The following FBLN1 variants were observed in gnomAD, a reference collection of about 807,000 sequenced individuals.
FBLN1 encodes fibulin-1.
A neutral mutation model predicts 89.7 loss-of-function variants in FBLN1; 34 were observed. The observed-to-expected ratio is 0.38, with a 90% CI of 0.29 to 0.50. The LOEUF (loss-of-function observed/expected upper bound fraction) is 0.50, where lower values mean the gene tolerates loss of function less well. Ranked by LOEUF, FBLN1 falls within the 20% of genes least tolerant of loss-of-function variation. The pLI, the probability that FBLN1 is intolerant of heterozygous loss-of-function variation, is 0.92. For synonymous variants in FBLN1, 393 were observed against 391.3 expected (o/e 1.00, Z -0.05); for missense variants, 777 against 988.1 (o/e 0.79, Z 2.86).
intron 14 of FBLN1, chr22:45,558,283 GAA>G: frequency 4.2e-6 from 2 of 478,838 alleles, no homozygotes; most frequent in South Asian, 5.3e-5. Flanking sequence ...AGATGGGTCA[GAA>G]AGCACCCAGT....
chr22:45,514,947 G>A lies in FBLN1; in HGVS notation c.80-3735G>A, dbSNP rs1231217530. 2.6e-5 allele frequency among the ~76,000 whole-genome samples: 4 copies of A among 152,204 alleles called. No individual in the cohort carries two copies. In the East Asian group the frequency reaches 7.7e-4, roughly 29 times the overall value. ...CTCCAGTGTCCACTGAGCCCTGTGA[G>A]GAGCTGGTCACACACTGGTTTGCTG... On this transcript the variant is annotated intron_variant, in intron 1 of 16. Coordinates refer to ENST00000327858, the MANE Select transcript of FBLN1 (RefSeq NM_006486.3).
rs2089125170 is a variant in FBLN1, at chr22:45,590,320, T to C, written c.1973-9987T>C. ...AGAGGGCAGGACTTGGCCCCTCTGGTGTGCCCACGTCTTTGAGTGAAGTTG... is the reference window on the plus strand; with the variant it reads ...AGAGGGCAGGACTTGGCCCCTCTGGCGTGCCCACGTCTTTGAGTGAAGTTG... On this transcript the variant is annotated intron_variant, in intron 16 of 16. Transcript: ENST00000327858. The surrounding 1 kb of genome is among the most constrained non-coding windows in gnomAD (Gnocchi z 4.1). Among the ~76,000 whole-genome samples the C allele has an allele frequency of 6.6e-6, 1 of 152,238 alleles. No homozygotes were observed. The highest frequency in any genetic ancestry group is 2.4e-5 in the African/African-American group (1 of 41,470).
At chr22:45,517,724 C>T in intron 1 of FBLN1, 1 of 435,208 alleles carries the variant, frequency 2.3e-6, no homozygotes, top group South Asian at 1.7e-5. Flanking sequence ...AAACCATCAC[C>T]AGCCTCGGTT....
chr22:45,519,771 G>A (rs1002447724), intron 2 of FBLN1, among the ~76,000 whole-genome samples: 4 of 152,222 alleles, frequency 2.6e-5, no homozygotes, highest in Admixed American at 6.5e-5. Flanking sequence ...CTGGCCCCGG[G>A]AAGGACAAGG....
intron 16 of FBLN1, among the ~76,000 whole-genome samples, chr22:45,582,791 G>C (rs1043624244): frequency 1.6e-4 from 25 of 152,324 alleles, no homozygotes; most frequent in Admixed American, 1.4e-3. Flanking sequence ...CGTGTGGCTG[G>C]GTGTGGAGTG....
rs542842575 is a variant in FBLN1 at position 45,556,676 on chromosome 22, C to G, written c.1697+6061C>G. On this transcript the variant is annotated intron_variant, in intron 14 of 16. Coordinates refer to ENST00000327858, the MANE Select transcript of FBLN1 (RefSeq NM_006486.3). This position sits in a 1 kb window ranked among gnomAD's most constrained non-coding sequence, Gnocchi z 4.6. ...ATCTTGATAGTCTGGGTCAGCCACC[C>G]CAGCCAACACTGTAACTCCCTTCTT... Among the ~76,000 whole-genome samples the G allele has an allele frequency of 6.6e-6, 1 of 152,132 alleles. No individual in the cohort carries two copies. Among genetic ancestry groups the G allele is most frequent in the South Asian group, 2.1e-4 (1 of 4,818 alleles).
chr22:45,600,176 G>A, intron 16 of FBLN1, 131 bp from the exon 17 acceptor site: 2 of 1,057,870 alleles, frequency 1.9e-6, no homozygotes, highest in South Asian at 1.3e-5. Context: ...CGAGCATCTG[G>A]CGTAGGATGG....
In FBLN1 at chr22:45,536,914, C is replaced by T. The variant is rs754702091; in HGVS notation, c.922+1577C>T. ...TGTGGGGTGCGGCCGGGGAGCTGGC[C>T]GGCCTGGGTTACTGGTTCTGGAAAG... On this transcript the variant is annotated intron_variant, in intron 8 of 16. Coordinates refer to ENST00000327858, the MANE Select transcript of FBLN1 (RefSeq NM_006486.3). This position sits in a 1 kb window ranked among gnomAD's most constrained non-coding sequence, Gnocchi z 5.1. 5.3e-5 allele frequency among the ~76,000 whole-genome samples: 8 copies of T among 152,184 alleles called. No individual in the cohort carries two copies. Among genetic ancestry groups the T allele is most frequent in the Non-Finnish European group, 1.2e-4 (8 of 68,028 alleles).
intron 1 of FBLN1, among the ~76,000 whole-genome samples, chr22:45,509,473 G>A (rs2088069122): frequency 6.6e-6 from 1 of 152,156 alleles, no homozygotes; most frequent in African/African-American, 2.4e-5. Flanking sequence ...ATGGGGCCAG[G>A]AGCCCTAAGA....
intron 16 of FBLN1, among the ~76,000 whole-genome samples, chr22:45,596,521 T>A (rs896546712): frequency 6.6e-6 from 1 of 151,626 alleles, no homozygotes; most frequent in African/African-American, 2.4e-5. Context: ...TATTTAAATA[T>A]AGACATTTAA....
In FBLN1 at chr22:45,575,382, G is replaced by A. The variant is rs186520094; in HGVS notation, c.1840+729G>A. Among the ~76,000 whole-genome samples, 4 of 152,070 alleles carry A rather than the reference G, an allele frequency of 2.6e-5. No individual in the cohort carries two copies. The highest frequency in any genetic ancestry group is 2.4e-5 in the African/African-American group (1 of 41,408). ...CCAGAAGGGTCTGGAGGTATGGGGG[G>A]GCGGTGTGGGCGTTTGAGAAACTGA... On this transcript the variant is annotated intron_variant, in intron 15 of 16. Transcript: ENST00000327858. This position sits in a 1 kb window ranked among gnomAD's most constrained non-coding sequence, Gnocchi z 6.3.
At chr22:45,582,004 C>T (rs2089046032) in intron 16 of FBLN1, among the ~76,000 whole-genome samples, 1 of 152,176 alleles carries the variant, frequency 6.6e-6, no homozygotes, top group Non-Finnish European at 1.5e-5. Context: ...CTTCCAGATC[C>T]CGCTGCTTTA....
At position 45,550,919 on chromosome 22, in the gene FBLN1, G is replaced by A; in HGVS notation, c.1697+304G>A. On this transcript the variant is annotated intron_variant, in intron 14 of 16. Transcript: ENST00000327858. The surrounding 1 kb of genome is among the most constrained non-coding windows in gnomAD (Gnocchi z 8.4). ...TTCCTAGGGTGGAAGCCTTGGGCAA[G>A]CTCTCTGGGCCTCAGTTTCCTCATC... 1 of 462,576 alleles carries A rather than the reference G, an allele frequency of 2.2e-6. No homozygotes were observed. The highest frequency in any genetic ancestry group is 2.1e-5 in the South Asian group (1 of 47,550). The allele number at this position is 462,576 out of a possible 1,614,324, so 28.7% of individuals were successfully genotyped here. A position where few individuals can be genotyped will look rare whatever the true frequency, so the allele number is the denominator to read the frequency against.
intron 14 of FBLN1, among the ~76,000 whole-genome samples, chr22:45,573,524 A>G (rs1472701861): frequency 6.6e-6 from 1 of 150,862 alleles, no homozygotes. Context: ...AAAAAAATAC[A>G]AAAAAAATTA....
intron 14 of FBLN1, among the ~76,000 whole-genome samples, chr22:45,560,458 A>T (rs1466039212): frequency 6.6e-6 from 1 of 152,176 alleles, no homozygotes; most frequent in Non-Finnish European, 1.5e-5. Context: ...AAGTCTTTGG[A>T]TTCCTTCCTC....
chr22:45,543,198 G>C (rs545962631), intron 10 of FBLN1, among the ~76,000 whole-genome samples: 3 of 152,200 alleles, frequency 2.0e-5, no homozygotes, highest in Admixed American at 6.5e-5. Context: ...ACTGGGAGGC[G>C]GAGGTTGCAG....
In FBLN1 at chr22:45,563,205, G is replaced by A. The variant is rs772399786; in HGVS notation, c.1698-11306G>A. On this transcript the variant is annotated intron_variant, in intron 14 of 16. Transcript: ENST00000327858. The surrounding 1 kb of genome is among the most constrained non-coding windows in gnomAD (Gnocchi z 5.7). The stretch of plus-strand genomic sequence containing the variant: ...CTGACCGTCAAGATGGATCTCTCTC[G>A]CCACGGCACCGTCAGCTCCTTTGTG... 15 of 1,613,604 alleles carry A rather than the reference G, an allele frequency of 9.3e-6. No homozygotes were observed. Among genetic ancestry groups the A allele is most frequent in the East Asian group, 6.7e-5 (3 of 44,872 alleles).
At chr22:45,505,733 G>C (rs944764786) in intron 1 of FBLN1, among the ~76,000 whole-genome samples, 2 of 152,166 alleles carry the variant, frequency 1.3e-5, no homozygotes, top group Non-Finnish European at 2.9e-5. Context: ...AGAGAACATA[G>C]GATAGTGTCT....
intron 1 of FBLN1, among the ~76,000 whole-genome samples, chr22:45,514,484 C>T (rs12167736): frequency 6.6e-6 from 1 of 152,160 alleles, no homozygotes. Context: ...GCCACTCCCC[C>T]ACCCCTAGCT....
Sources: allele counts gnomAD v4.1 joint callset (sites outside exome capture counted in the v4.1 genomes callset), GRCh38; gene constraint gnomAD v4.1.1; non-coding constraint Gnocchi (gnomAD v3.1); transcripts MANE v1.5; gene names NCBI Gene and HGNC (gene_info 2026-07-23, HGNC 2026-07-21).